LRRFIP1: variants seen among roughly 807,000 people sequenced by gnomAD.
The protein encoded by LRRFIP1 is leucine-rich repeat flightless-interacting protein 1.
Under a neutral mutation model 104.4 loss-of-function variants are expected in LRRFIP1, and 62 were observed. That is an observed-to-expected ratio of 0.59 (90% CI 0.48 to 0.73). The LOEUF is 0.73. LRRFIP1 is among the 30% of genes least tolerant of loss of function. LRRFIP1 has a pLI of 0.00. For synonymous variants in LRRFIP1, 300 were observed against 299.0 expected (o/e 1.00, Z -0.03); for missense variants, 796 against 824.5 (o/e 0.97, Z 0.42).
chr2:237,767,677 T>A (rs1422314058), intron 19 of LRRFIP1, among the ~76,000 whole-genome samples: 1 of 152,210 alleles, frequency 6.6e-6, no homozygotes, highest in African/African-American at 2.4e-5. Flanking sequence ...CACTTAAGTT[T>A]CCACTATCAC....
chr2:237,647,728 G>GGTTTTGC, intron 1 of LRRFIP1, among the ~76,000 whole-genome samples: 1 of 115,264 alleles, frequency 8.7e-6, no homozygotes, highest in African/African-American at 2.9e-5. Flanking sequence ...CTGCAGGCAG[G>GGTTTTGC]TGGAGGGAGC....
In LRRFIP1 at chr2:237,779,883, T is replaced by G. The variant is rs1576481049; in HGVS notation, c.*351T>G. On this transcript the variant is annotated 3_prime_UTR_variant, in exon 24 of 24. Transcript: ENST00000308482. ...TAAAGATTCAGTTGGGACTTGAGTT[T>G]TTTTTTTTTTTCATGTGTCTTGCTG... The G allele has an allele frequency of 6.0e-6, 1 of 166,708 alleles. No individual in the cohort carries two copies. The highest frequency in any genetic ancestry group is 1.7e-4 in the East Asian group (1 of 6,060). 10.3% of individuals were successfully genotyped at this position (166,708 alleles called of 1,614,324 possible).
intron 13 of LRRFIP1, among the ~76,000 whole-genome samples, chr2:237,749,629 GT>G (rs1273714925): frequency 6.6e-6 from 1 of 152,078 alleles, no homozygotes; most frequent in African/African-American, 2.4e-5. Flanking sequence ...GATGCACTTG[GT>G]CGTCTCTGTA....
intron 1 of LRRFIP1, among the ~76,000 whole-genome samples, chr2:237,682,365 T>G (rs2091936450): frequency 6.6e-6 from 1 of 152,142 alleles, no homozygotes; most frequent in South Asian, 2.1e-4. Flanking sequence ...CTGCTTTACG[T>G]AGGAAGCTGG....
rs185699764 is a variant in LRRFIP1 at position 237,780,877 on chromosome 2, G to A, written c.*1345G>A. 1.3e-3 allele frequency among the ~76,000 whole-genome samples: 204 copies of A among 152,342 alleles called. 3 individuals carry two copies. The highest frequency in any genetic ancestry group is 4.4e-3 in the East Asian group (23 of 5,192). ...ACACAAGATTTTTGTATCTCCTTGT[G>A]CAGAGGATATTTGCCACTGCCCATT... On this transcript the variant is annotated 3_prime_UTR_variant, in exon 24 of 24. Transcript: ENST00000308482.
Position 237,691,094 on chromosome 2 carries a change from G to C in LRRFIP1, c.97-17450G>C, listed in dbSNP as rs965104681. Among the ~76,000 whole-genome samples, 1 of 151,686 alleles carries C rather than the reference G, an allele frequency of 6.6e-6. No individual in the cohort carries two copies. The highest frequency in any genetic ancestry group is 2.4e-5 in the African/African-American group (1 of 40,980). On this transcript the variant is annotated intron_variant, in intron 1 of 23. Coordinates refer to ENST00000308482, the MANE Select transcript of LRRFIP1 (RefSeq NM_001137550.2). The surrounding 1 kb of genome is among the most constrained non-coding windows in gnomAD (Gnocchi z 5.4). ...GGAAGGTGAGTGCTCACAGGCGCGA[G>C]CTCACGTTACCAAGTTGGGTCAGCG... is the stretch of plus-strand genomic sequence containing the variant.
chr2:237,661,352 A>G lies in LRRFIP1; in HGVS notation c.96+33612A>G, dbSNP rs1381277371. Among the ~76,000 whole-genome samples the G allele has an allele frequency of 6.6e-6, 1 of 152,140 alleles. No individual in the cohort carries two copies. ...TGGACTGTGTGTCCAGTCCACCCAG[A>G]TGCCACCATGCCTGCCAGTCCCTCT... On this transcript the variant is annotated intron_variant, in intron 1 of 23. Coordinates refer to ENST00000308482, the MANE Select transcript of LRRFIP1 (RefSeq NM_001137550.2). The surrounding 1 kb of genome is among the most constrained non-coding windows in gnomAD (Gnocchi z 4.4).
At chr2:237,640,359 C>A (rs922298610) in intron 1 of LRRFIP1, among the ~76,000 whole-genome samples, 1 of 151,940 alleles carries the variant, frequency 6.6e-6, no homozygotes, top group Non-Finnish European at 1.5e-5. Flanking sequence ...GGAAGTTGAT[C>A]TCTCCCTGTT....
chr2:237,710,776 G>A (rs772031465), intron 2 of LRRFIP1, among the ~76,000 whole-genome samples: 4 of 152,166 alleles, frequency 2.6e-5, no homozygotes, highest in Non-Finnish European at 5.9e-5. Flanking sequence ...TAAAAGCAAA[G>A]CATCCCTTTA....
intron 1 of LRRFIP1, among the ~76,000 whole-genome samples, chr2:237,705,327 A>G (rs1303071505): frequency 6.6e-6 from 1 of 152,174 alleles, no homozygotes; most frequent in African/African-American, 2.4e-5. Context: ...GCGGCTTAGA[A>G]TAACACACAG....
At chr2:237,738,484 C>G (rs2095321175) in intron 10 of LRRFIP1, among the ~76,000 whole-genome samples, 1 of 152,192 alleles carries the variant, frequency 6.6e-6, no homozygotes, top group Non-Finnish European at 1.5e-5. Flanking sequence ...CTCCTCAGGA[C>G]ATGTCGGGAT....
At chr2:237,758,858 GAA>G in intron 18 of LRRFIP1, 37 bp downstream of exon 18, 2 of 1,475,164 alleles carry the variant, frequency 1.4e-6, no homozygotes, top group Non-Finnish European at 1.9e-6. Flanking sequence ...TAAAAAAAAA[GAA>G]AAAAAATCCA....
chr2:237,646,596 A>G (rs1022903404), intron 1 of LRRFIP1, among the ~76,000 whole-genome samples: 1 of 151,920 alleles, frequency 6.6e-6, no homozygotes, highest in African/African-American at 2.4e-5. Context: ...GTATTTGGAG[A>G]TGGGGTCTCT....
At chr2:237,659,553 CA>C (rs892717320) in intron 1 of LRRFIP1, among the ~76,000 whole-genome samples, 3 of 147,616 alleles carry the variant, frequency 2.0e-5, no homozygotes, top group African/African-American at 4.9e-5. Flanking sequence ...CAATTTTTAC[CA>C]AAAAAACTAT....
At chr2:237,657,346 A>G (rs1314941692) in intron 1 of LRRFIP1, among the ~76,000 whole-genome samples, 2 of 152,250 alleles carry the variant, frequency 1.3e-5, no homozygotes, top group Non-Finnish European at 2.9e-5. Flanking sequence ...ATATTTTCAC[A>G]TATGAATTAA....
chr2:237,773,342 A>C (rs918497327), intron 22 of LRRFIP1, among the ~76,000 whole-genome samples: 1 of 152,184 alleles, frequency 6.6e-6, no homozygotes, highest in Admixed American at 6.5e-5. Context: ...GTTCGAGACC[A>C]GCCTGGCCAA....
At chr2:237,745,146 C>T (rs2057660703) in intron 11 of LRRFIP1, among the ~76,000 whole-genome samples, 1 of 152,224 alleles carries the variant, frequency 6.6e-6, no homozygotes, top group East Asian at 1.9e-4. Flanking sequence ...GACTCTGCTG[C>T]CTGCGGCTTC....
intron 8 of LRRFIP1, 146 bp from the exon 9 acceptor site, chr2:237,733,628 C>T (rs552885787): frequency 1.4e-5 from 9 of 661,956 alleles, no homozygotes; most frequent in African/African-American, 5.4e-5. Flanking sequence ...GCAGAAAACA[C>T]GGTGCCTCGA....
rs2095200747 is a variant in LRRFIP1 at position 237,735,262 on chromosome 2, TC to T, written c.490-5del. The T allele has an allele frequency of 6.2e-7, 1 of 1,612,846 alleles. No homozygotes were observed. The highest frequency in any genetic ancestry group is 1.3e-5 in the African/African-American group (1 of 74,854). ...CGCCCATCCTGACAGTCTCTTTTGG[TC>T]GCAGGCGTCTGTGTTGGATGAAGGC... On this transcript the variant is annotated splice_polypyrimidine_tract_variant and splice_region_variant and intron_variant, in intron 9 of 23. Coordinates refer to ENST00000308482, the MANE Select transcript of LRRFIP1 (RefSeq NM_001137550.2). The surrounding 1 kb of genome is among the most constrained non-coding windows in gnomAD (Gnocchi z 4.6).
Sources: allele counts gnomAD v4.1 joint callset (sites outside exome capture counted in the v4.1 genomes callset), GRCh38; gene constraint gnomAD v4.1.1; non-coding constraint Gnocchi (gnomAD v3.1); transcripts MANE v1.5; gene names NCBI Gene and HGNC (gene_info 2026-07-23, HGNC 2026-07-21).